The following HS3ST4 variants were observed in gnomAD, a reference collection of about 807,000 sequenced individuals.
HS3ST4 encodes heparan sulfate-glucosamine 3-sulfotransferase 4.
A neutral mutation model predicts 29.2 loss-of-function variants in HS3ST4; 17 were observed. The ratio of observed to expected loss-of-function variants is 0.58; its 90% CI spans 0.40 to 0.87. HS3ST4 has a LOEUF of 0.87. Ranked by LOEUF, HS3ST4 falls within the 40% of genes least tolerant of loss-of-function variation. The pLI, the probability that HS3ST4 is intolerant of heterozygous loss-of-function variation, is 0.00. For synonymous variants in HS3ST4, 314 were observed against 285.7 expected (o/e 1.10, Z -1.00); for missense variants, 627 against 634.5 (o/e 0.99, Z 0.13).
At chr16:25,831,463 C>T (rs1174724238) in intron 1 of HS3ST4, among the ~76,000 whole-genome samples, 1 of 151,262 alleles carries the variant, frequency 6.6e-6, no homozygotes, top group Non-Finnish European at 1.5e-5. Context: ...TGGTCACATT[C>T]ACATGTAGTC....
At chr16:25,940,204 T>A (rs969770923) in intron 1 of HS3ST4, among the ~76,000 whole-genome samples, 6 of 97,004 alleles carry the variant, frequency 6.2e-5, no homozygotes, top group Non-Finnish European at 9.8e-5. Context: ...AGATTTGATT[T>A]TTTTTTTTTT....
At chr16:26,112,244 G>GTGTGTA (rs926489003) in intron 1 of HS3ST4, among the ~76,000 whole-genome samples, 1 of 96,130 alleles carries the variant, frequency 1.0e-5, no homozygotes, top group Non-Finnish European at 2.4e-5. Context: ...GTGTGTGTGT[G>GTGTGTA]TGTGTATGTG....
chr16:25,752,686 G>C (rs184877613), intron 1 of HS3ST4, among the ~76,000 whole-genome samples: 3 of 152,250 alleles, frequency 2.0e-5, no homozygotes, highest in Admixed American at 2.0e-4. Context: ...ATTAAACAAA[G>C]TATTGAGTAT....
Position 25,994,723 on chromosome 16 carries a change from T to TA in HS3ST4, c.735-140881dup, listed in dbSNP as rs202232651. Among the ~76,000 whole-genome samples, 25 of 152,022 alleles carry TA rather than the reference T, an allele frequency of 1.6e-4. No homozygotes were observed. In the East Asian group the frequency reaches 4.1e-3, roughly 25 times the overall value. On this transcript the variant is annotated intron_variant, in intron 1 of 1. Coordinates refer to ENST00000331351, the MANE Select transcript of HS3ST4 (RefSeq NM_006040.3). ...AATACTATATTATGCCCTTTGTAACTAAAAAAAATATATAAGTACTTTAGC... is the reference window on the plus strand; with the variant it reads ...AATACTATATTATGCCCTTTGTAACTAAAAAAAAATATATAAGTACTTTAGC...
At chr16:25,733,761 G>T (rs1387340216) in intron 1 of HS3ST4, among the ~76,000 whole-genome samples, 1 of 152,158 alleles carries the variant, frequency 6.6e-6, no homozygotes, top group Non-Finnish European at 1.5e-5. Context: ...GGAATTAGGG[G>T]ATATTAGTTA....
At chr16:25,697,383 A>G in intron 1 of HS3ST4, among the ~76,000 whole-genome samples, 1 of 152,222 alleles carries the variant, frequency 6.6e-6, no homozygotes, top group African/African-American at 2.4e-5. Flanking sequence ...GAATAGGTAA[A>G]ATGTCCAAAT....
At chr16:26,028,748 A>T (rs1596649396) in intron 1 of HS3ST4, among the ~76,000 whole-genome samples, 2 of 152,234 alleles carry the variant, frequency 1.3e-5, no homozygotes, top group East Asian at 3.9e-4. Flanking sequence ...GATATTGAAC[A>T]GTTGTTGACA....
chr16:25,800,503 A>G (rs1966922950), intron 1 of HS3ST4, among the ~76,000 whole-genome samples: 2 of 151,908 alleles, frequency 1.3e-5, no homozygotes, highest in Non-Finnish European at 2.9e-5. Context: ...TTCAAATACA[A>G]TACATGGCAG....
intron 1 of HS3ST4, among the ~76,000 whole-genome samples, chr16:25,940,889 C>G (rs1968565698): frequency 6.6e-6 from 1 of 152,224 alleles, no homozygotes; most frequent in Admixed American, 6.5e-5. Flanking sequence ...GCTTTCTGAA[C>G]TTTAACTGGA....
In HS3ST4 at chr16:25,709,429, TTA is replaced by T. The variant is rs554745937; in HGVS notation, c.734+16280_734+16281del. Reference sequence around the variant, plus strand: ...TTTCCCTGGAGGCCCCTGGATCTGGTTATCAAAGACAGGAAATGAATGCTGCT... The same window carrying T: ...TTTCCCTGGAGGCCCCTGGATCTGGTTCAAAGACAGGAAATGAATGCTGCT... On this transcript the variant is annotated intron_variant, in intron 1 of 1. Transcript: ENST00000331351. Among the ~76,000 whole-genome samples the T allele has an allele frequency of 6.6e-3, 1,003 of 152,276 alleles. 3 individuals carry two copies. Among genetic ancestry groups the T allele is most frequent in the Non-Finnish European group, 0.012 (783 of 68,022 alleles).
chr16:25,982,360 T>C (rs4335774), intron 1 of HS3ST4, among the ~76,000 whole-genome samples: 142,033 of 152,276 alleles, frequency 0.93, 66,377 homozygotes, highest in African/African-American at 0.97. Flanking sequence ...TTTGTTAAAA[T>C]GCCTTGAGTC....
intron 1 of HS3ST4, among the ~76,000 whole-genome samples, chr16:25,799,401 A>C (rs1457473791): frequency 1.3e-5 from 2 of 152,198 alleles, no homozygotes; most frequent in Non-Finnish European, 2.9e-5. Context: ...TGCCCAAGTA[A>C]TATATAATCT....
At chr16:25,909,996 A>G (rs1968219643) in intron 1 of HS3ST4, among the ~76,000 whole-genome samples, 1 of 152,090 alleles carries the variant, frequency 6.6e-6, no homozygotes, top group Non-Finnish European at 1.5e-5. Context: ...CTCCTTAAAT[A>G]CTGGGATTTC....
chr16:26,129,297 C>T (rs1405369723), intron 1 of HS3ST4, among the ~76,000 whole-genome samples: 1 of 152,202 alleles, frequency 6.6e-6, no homozygotes, highest in Non-Finnish European at 1.5e-5. Flanking sequence ...AACTTTGCCA[C>T]CTACAAGTGA....
chr16:26,021,849 C>T (rs909723561), intron 1 of HS3ST4, among the ~76,000 whole-genome samples: 9 of 151,486 alleles, frequency 5.9e-5, no homozygotes, highest in African/African-American at 9.7e-5. Context: ...TTTTTAGTAG[C>T]GACGGGGTTT....
chr16:25,966,353 C>T (rs1968842796), intron 1 of HS3ST4, among the ~76,000 whole-genome samples: 1 of 152,088 alleles, frequency 6.6e-6, no homozygotes, highest in African/African-American at 2.4e-5. Context: ...GTATATACCC[C>T]AGGAATAAGC....
intron 1 of HS3ST4, among the ~76,000 whole-genome samples, chr16:25,701,796 G>T (rs1057505530): frequency 6.6e-6 from 1 of 152,204 alleles, no homozygotes; most frequent in Non-Finnish European, 1.5e-5. Context: ...ACATGTAAAT[G>T]ATCACATTGA....
chr16:26,014,284 A>G (rs1969342124), intron 1 of HS3ST4, among the ~76,000 whole-genome samples: 3 of 152,198 alleles, frequency 2.0e-5, no homozygotes, highest in African/African-American at 7.2e-5. Context: ...TTCCATGAAT[A>G]CTTAACAAAT....
intron 1 of HS3ST4, among the ~76,000 whole-genome samples, chr16:25,802,975 TTC>T (rs1463456682): frequency 1.1e-4 from 16 of 151,030 alleles, no homozygotes; most frequent in African/African-American, 3.4e-4. Context: ...ATATATTTCT[TTC>T]TCTGTTTCTT....
Sources: gnomAD v4.1 joint callset for allele counts (sites outside exome capture counted in the v4.1 genomes callset) on GRCh38, gnomAD v4.1.1 for gene constraint, MANE v1.5 for transcripts, NCBI Gene and HGNC (gene_info 2026-07-23, HGNC 2026-07-21) for gene names.